Variants in RBFOX1 observed in about 807,000 individuals in gnomAD.
RBFOX1 encodes the protein RNA binding fox-1 homolog 1.
In RBFOX1, 8 loss-of-function variants were observed where a neutral mutation model predicts 57.7. The observed-to-expected ratio is 0.14, with a 90% CI of 0.08 to 0.25. RBFOX1 has a LOEUF of 0.25. Ranked by LOEUF, RBFOX1 falls within the 10% of genes least tolerant of loss-of-function variation. The probability of loss-of-function intolerance (pLI) is 1.00; values close to 1 mark genes in which losing one functional copy is unlikely to be tolerated. For synonymous variants in RBFOX1, 326 were observed against 222.4 expected (o/e 1.47, Z -4.15); for missense variants, 611 against 548.5 (o/e 1.11, Z -1.14).
At chr16:5,340,043 G>A (rs1273829529) in intron 1 of RBFOX1, among the ~76,000 whole-genome samples, 5 of 152,160 alleles carry the variant, frequency 3.3e-5, no homozygotes. Context: ...AGCAAAATCA[G>A]TATGGGCCAG....
downstream of RBFOX1, among the ~76,000 whole-genome samples, chr16:5,604,554 A>G (rs147649078): frequency 6.6e-6 from 1 of 152,328 alleles, no homozygotes; most frequent in African/African-American, 2.4e-5. Flanking sequence ...CATGTTAGCA[A>G]CATGGAGTCT....
intron 4 of RBFOX1, among the ~76,000 whole-genome samples, chr16:5,994,090 G>A (rs909638351): frequency 3.3e-5 from 5 of 152,168 alleles, no homozygotes; most frequent in African/African-American, 4.8e-5. Flanking sequence ...ATGGGGGCTC[G>A]TTCGACTCTC....
chr16:6,929,241 G>GA (rs1489663574), intron 3 of RBFOX1, among the ~76,000 whole-genome samples: 4 of 152,270 alleles, frequency 2.6e-5, no homozygotes, highest in African/African-American at 9.6e-5. Context: ...CTTTATGACA[G>GA]AGAAGAAGAA....
At chr16:7,495,134 G>A (rs1390010712) in intron 4 of RBFOX1, among the ~76,000 whole-genome samples, 2 of 152,108 alleles carry the variant, frequency 1.3e-5, no homozygotes, top group Non-Finnish European at 2.9e-5. Context: ...CCATGTTGCT[G>A]CAAAGACATG....
chr16:6,833,797 G>C (rs1177570230), intron 3 of RBFOX1, among the ~76,000 whole-genome samples: 1 of 152,174 alleles, frequency 6.6e-6, no homozygotes, highest in African/African-American at 2.4e-5. Context: ...GACTAGCATT[G>C]AGGTTGATGG....
chr16:7,319,755 A>G lies in RBFOX1; in HGVS notation c.28-198392A>G, dbSNP rs60983415. Among the ~76,000 whole-genome samples, 634 of 152,268 alleles carry G rather than the reference A, an allele frequency of 4.2e-3. 6 individuals carry two copies. The Middle Eastern group carries it at 0.082, about 20-fold the overall frequency. ...GTGAAGCAGGCAGAGGAAAGGAAGT[A>G]GGATTTGGGATCGGGCAGGTGTGGC... On this transcript the variant is annotated intron_variant, in intron 4 of 15. Transcript: ENST00000550418.
At chr16:5,968,829 C>G (rs1292145495) in intron 4 of RBFOX1, among the ~76,000 whole-genome samples, 3 of 151,998 alleles carry the variant, frequency 2.0e-5, no homozygotes, top group Non-Finnish European at 2.9e-5. Context: ...TTTTCAAGGA[C>G]TCTTATCTCT....
At chr16:7,599,750 A>G (rs1246452242) in intron 9 of RBFOX1, among the ~76,000 whole-genome samples, 1 of 149,896 alleles carries the variant, frequency 6.7e-6, no homozygotes, top group East Asian at 2.0e-4. Context: ...GGCTCAAGCA[A>G]TCCTCCCTGG....
intron 3 of RBFOX1, among the ~76,000 whole-genome samples, chr16:6,940,763 A>AGTGAGT: frequency 8.7e-6 from 1 of 114,420 alleles, no homozygotes; most frequent in Non-Finnish European, 1.8e-5. Flanking sequence ...ATGTCCCGCT[A>AGTGAGT]GTGTGTGTGT....
At chr16:5,877,381 G>T (rs1412768357) in intron 4 of RBFOX1, among the ~76,000 whole-genome samples, 1 of 152,174 alleles carries the variant, frequency 6.6e-6, no homozygotes, top group Non-Finnish European at 1.5e-5. Context: ...TGGATGAACA[G>T]ACGCTTTTAG....
chr16:7,339,670 C>T (rs1242358049), intron 4 of RBFOX1, among the ~76,000 whole-genome samples: 1 of 152,152 alleles, frequency 6.6e-6, no homozygotes, highest in South Asian at 2.1e-4. Context: ...GAACTCCTGA[C>T]CTCAGGTGAT....
At chr16:7,599,813 T>G (rs2094917389) in intron 9 of RBFOX1, among the ~76,000 whole-genome samples, 3 of 150,998 alleles carry the variant, frequency 2.0e-5, no homozygotes, top group Admixed American at 2.0e-4. Context: ...TTTTTTTTAT[T>G]TTTTGTAGAG....
At chr16:7,190,971 T>G (rs1034761467) in intron 4 of RBFOX1, among the ~76,000 whole-genome samples, 1 of 151,918 alleles carries the variant, frequency 6.6e-6, no homozygotes, top group South Asian at 2.1e-4. Context: ...ATCAGAACCT[T>G]GAAAAAGGGG....
At chr16:6,020,621 G>A (rs1304436708) in intron 1 of RBFOX1, among the ~76,000 whole-genome samples, 1 of 152,162 alleles carries the variant, frequency 6.6e-6, no homozygotes, top group Non-Finnish European at 1.5e-5. Flanking sequence ...CCTGGTTCCT[G>A]GGAGCCTTAG....
chr16:6,944,234 A>C lies in RBFOX1; in HGVS notation c.-15-107823A>C, dbSNP rs565247916. On this transcript the variant is annotated intron_variant, in intron 3 of 15. Transcript: ENST00000550418. Reference sequence around the variant, plus strand: ...ACACAGTGAAACCCTTTCTCTACTAAAAATACAAAAATAAGCCAGGCATGG... The same window carrying C: ...ACACAGTGAAACCCTTTCTCTACTACAAATACAAAAATAAGCCAGGCATGG... 7.9e-5 allele frequency among the ~76,000 whole-genome samples: 12 copies of C among 151,980 alleles called. No homozygotes were observed. In the South Asian group the frequency reaches 2.5e-3, roughly 32 times the overall value.
At chr16:7,531,770 A>C (rs1045957157) in intron 5 of RBFOX1, among the ~76,000 whole-genome samples, 3 of 152,192 alleles carry the variant, frequency 2.0e-5, no homozygotes, top group African/African-American at 7.2e-5. Context: ...CCTAAATGAC[A>C]TTCCCTGCTA....
At chr16:6,090,114 C>G (rs1022110160) in intron 1 of RBFOX1, 1 of 152,200 alleles carries the variant, frequency 6.6e-6, no homozygotes. Flanking sequence ...GTGGCCCCTT[C>G]TTCCATCTTC....
chr16:5,287,974 C>T (rs1596401602), intron 1 of RBFOX1, among the ~76,000 whole-genome samples: 1 of 152,194 alleles, frequency 6.6e-6, no homozygotes, highest in African/African-American at 2.4e-5. Context: ...TGCACTTTTG[C>T]CTGAATGCTT....
chr16:7,304,363 C>G (rs2096119400), intron 4 of RBFOX1: 1 of 985,362 alleles, frequency 1.0e-6, no homozygotes, highest in Non-Finnish European at 1.2e-6. Flanking sequence ...CCCACTCGGG[C>G]TCGGCGGGCG....
Sources: allele counts gnomAD v4.1 joint callset (sites outside exome capture counted in the v4.1 genomes callset), GRCh38; gene constraint gnomAD v4.1.1; transcripts MANE v1.5; gene names NCBI Gene and HGNC (gene_info 2026-07-23, HGNC 2026-07-21).